The following NCAM1 variants were observed in gnomAD, a reference collection of about 807,000 sequenced individuals.
NCAM1 encodes neural cell adhesion molecule 1.
NCAM1 carries 14 observed loss-of-function variants against 109.8 expected under a neutral mutation model. The ratio of observed to expected loss-of-function variants is 0.13; its 90% CI spans 0.08 to 0.20. The LOEUF (loss-of-function observed/expected upper bound fraction) is 0.20, where lower values mean the gene tolerates loss of function less well. Among genes scored for constraint, NCAM1 ranks in the 10% least tolerant of loss-of-function variants. The probability of loss-of-function intolerance (pLI) is 1.00; values close to 1 mark genes in which losing one functional copy is unlikely to be tolerated. For synonymous variants in NCAM1, 418 were observed against 442.9 expected (o/e 0.94, Z 0.70); for missense variants, 774 against 1,109.9 (o/e 0.70, Z 4.30).
At chr11:113,164,881 C>T (rs753125978) in intron 1 of NCAM1, among the ~76,000 whole-genome samples, 1 of 152,128 alleles carries the variant, frequency 6.6e-6, no homozygotes, top group Non-Finnish European at 1.5e-5. Context: ...ATGCTCCAAC[C>T]TTCTAATCAT....
At chr11:113,022,569 G>A (rs782712840) in intron 1 of NCAM1, among the ~76,000 whole-genome samples, 1 of 152,208 alleles carries the variant, frequency 6.6e-6, no homozygotes, top group Admixed American at 6.5e-5. Flanking sequence ...ATCTGGTAGA[G>A]AGATGGCCAA....
chr11:113,199,829 T>TAAAA (rs1555111558), intron 1 of NCAM1, among the ~76,000 whole-genome samples: 1 of 115,780 alleles, frequency 8.6e-6, no homozygotes, highest in Non-Finnish European at 1.7e-5. Context: ...GAAACACCCT[T>TAAAA]AAAAAAAAAA....
chr11:113,032,387 T>A (rs1436651891), intron 1 of NCAM1, among the ~76,000 whole-genome samples: 2 of 152,050 alleles, frequency 1.3e-5, no homozygotes, highest in East Asian at 3.9e-4. Context: ...CAAGCCCTGC[T>A]CCATACAGTC....
chr11:113,226,186 C>A (rs1555116189), intron 9 of NCAM1, among the ~76,000 whole-genome samples: 1 of 152,178 alleles, frequency 6.6e-6, no homozygotes, highest in South Asian at 2.1e-4. Context: ...TTCAGGAAAC[C>A]CTTCTCACGT....
chr11:113,221,224 T>C, intron 8 of NCAM1, 72 bp from the exon 9 acceptor site: 5 of 1,472,032 alleles, frequency 3.4e-6, no homozygotes, highest in Non-Finnish European at 3.7e-6. Flanking sequence ...TGCAGTGTGA[T>C]ACATTCTCTA....
chr11:113,065,223 G>A lies in NCAM1; in HGVS notation c.52+103559G>A, dbSNP rs560656906. Among the ~76,000 whole-genome samples the A allele has an allele frequency of 8.5e-5, 13 of 152,150 alleles. No homozygotes were observed. The South Asian group carries it at 2.1e-3, about 24-fold the overall frequency. On this transcript the variant is annotated intron_variant, in intron 1 of 19. Transcript: ENST00000316851. ...AAAGTATTGGATTATAACCTAAAGT[G>A]CAAAATAAATATCCATGAATCCATA...
intron 1 of NCAM1, among the ~76,000 whole-genome samples, chr11:113,187,547 GTGTGTGTGTGTGTTTC>G (rs1943547417): frequency 7.6e-6 from 1 of 132,056 alleles, no homozygotes; most frequent in South Asian, 2.8e-4. Flanking sequence ...GGATCTGTGT[GTGTGTGTGTGTGTTTC>G]TGTGTGTGTG....
intron 1 of NCAM1, among the ~76,000 whole-genome samples, chr11:113,148,368 T>TTTTTTCCTTTTTTTTC (rs1942097650): frequency 6.6e-6 from 1 of 151,048 alleles, no homozygotes; most frequent in Non-Finnish European, 1.5e-5. Context: ...AGCTTTTTTT[T>TTTTTTCCTTTTTTTTC]TTTTTCCTTT....
At chr11:113,064,060 A>G (rs1937815003) in intron 1 of NCAM1, among the ~76,000 whole-genome samples, 1 of 152,230 alleles carries the variant, frequency 6.6e-6, no homozygotes, top group South Asian at 2.1e-4. Context: ...TTTTACAACT[A>G]TTGAAACAGT....
Position 113,219,612 on chromosome 11 carries a change from A to G in NCAM1, c.1060-1684A>G, listed in dbSNP as rs146887588. Among the ~76,000 whole-genome samples, 292 of 152,362 alleles carry G rather than the reference A, an allele frequency of 1.9e-3. 1 individual carries two copies. Among genetic ancestry groups the G allele is most frequent in the Middle Eastern group, 0.01 (3 of 294 alleles). ...AATTGTTAGGGCCGAGATATTTCCT[A>G]TCTTTCCACCAGGCACAAAAGTAGA... On this transcript the variant is annotated intron_variant, in intron 8 of 19. Coordinates refer to ENST00000316851, the MANE Select transcript of NCAM1 (RefSeq NM_181351.5).
chr11:113,230,695 C>T (rs1434626641), intron 9 of NCAM1, among the ~76,000 whole-genome samples: 1 of 152,224 alleles, frequency 6.6e-6, no homozygotes, highest in Non-Finnish European at 1.5e-5. Flanking sequence ...TACAGAACAT[C>T]ATATACTGGA....
At chr11:113,155,571 G>C (rs1490686392) in intron 1 of NCAM1, among the ~76,000 whole-genome samples, 1 of 151,944 alleles carries the variant, frequency 6.6e-6, no homozygotes, top group East Asian at 1.9e-4. Flanking sequence ...TAGGTAAGGA[G>C]TTGCTAAGGT....
chr11:113,264,486 C>T (rs1191960396), intron 17 of NCAM1: 7 of 985,576 alleles, frequency 7.1e-6, no homozygotes, highest in African/African-American at 1.7e-5. Flanking sequence ...GATGGCGCTT[C>T]ACACCAGGGC....
chr11:113,054,831 G>A (rs1555082296), intron 1 of NCAM1, among the ~76,000 whole-genome samples: 12 of 152,126 alleles, frequency 7.9e-5, no homozygotes, highest in Non-Finnish European at 2.9e-5. Flanking sequence ...GAGTCTGAGG[G>A]AGCAAGAGAG....
At chr11:113,214,567 A>C in intron 8 of NCAM1, 56 bp downstream of exon 8, 1 of 1,540,456 alleles carries the variant, frequency 6.5e-7, no homozygotes, top group South Asian at 1.2e-5. Flanking sequence ...AAGCAGATTG[A>C]GTCTGCTCAT....
At position 112,984,526 on chromosome 11, in the gene NCAM1, G is replaced by A. The variant is rs1258282117; in HGVS notation, c.52+22862G>A. On this transcript the variant is annotated intron_variant, in intron 1 of 19. Transcript: ENST00000316851. ...ACATGCCCACCAACAGTGTACAAGG[G>A]TTCCCATTTCTCTACATGGCTACCC... 2.0e-5 allele frequency among the ~76,000 whole-genome samples: 3 copies of A among 151,870 alleles called. No homozygotes were observed. The East Asian group carries it at 5.8e-4, about 29-fold the overall frequency.
chr11:113,233,026 G>A lies in NCAM1; in HGVS notation c.1523-121G>A. The A allele has an allele frequency of 2.7e-6, 3 of 1,098,994 alleles. No individual in the cohort carries two copies. Among genetic ancestry groups the A allele is most frequent in the Non-Finnish European group, 3.9e-6 (3 of 761,138 alleles). 68.1% of individuals were successfully genotyped at this position (1,098,994 alleles called of 1,614,324 possible). A position where few individuals can be genotyped will look rare whatever the true frequency, so the allele number is the denominator to read the frequency against. ...CTGGTGAGATGGGCCAGGAGGACAG[G>A]ATACAGTGACAGGATTCCCAAGAGT... On this transcript the variant is annotated intron_variant, in intron 12 of 19. Coordinates refer to ENST00000316851, the MANE Select transcript of NCAM1 (RefSeq NM_181351.5). This position sits in a 1 kb window ranked among gnomAD's most constrained non-coding sequence, Gnocchi z 4.5.
chr11:113,062,388 T>C (rs1157980972), intron 1 of NCAM1, among the ~76,000 whole-genome samples: 1 of 152,178 alleles, frequency 6.6e-6, no homozygotes, highest in Admixed American at 6.5e-5. Context: ...GCGAGCATAA[T>C]GTTTTCAGCA....
chr11:112,965,005 T>C (rs1950693161), intron 1 of NCAM1, among the ~76,000 whole-genome samples: 1 of 152,210 alleles, frequency 6.6e-6, no homozygotes, highest in South Asian at 2.1e-4. Flanking sequence ...GTTAATGCTT[T>C]ATGAACGCCC....
Sources: allele counts gnomAD v4.1 joint callset (sites outside exome capture counted in the v4.1 genomes callset), GRCh38; gene constraint gnomAD v4.1.1; non-coding constraint Gnocchi (gnomAD v3.1); transcripts MANE v1.5; gene names NCBI Gene and HGNC (gene_info 2026-07-23, HGNC 2026-07-21).